Variants in HYDIN observed in about 807,000 individuals in gnomAD.
HYDIN encodes the protein axonemal central pair apparatus protein HYDIN.
A neutral mutation model predicts 403.9 loss-of-function variants in HYDIN; 132 were observed. The observed-to-expected ratio is 0.33, with a 90% confidence interval of 0.28 to 0.38. The LOEUF (loss-of-function observed/expected upper bound fraction) is 0.38, where lower values mean the gene tolerates loss of function less well. HYDIN is among the 10% of genes least tolerant of loss of function. The probability of loss-of-function intolerance (pLI) is 1.00; values close to 1 mark genes in which losing one functional copy is unlikely to be tolerated. For synonymous variants in HYDIN, 1,202 were observed against 1,891.7 expected (o/e 0.64, Z 9.46); for missense variants, 2,827 against 5,009.5 (o/e 0.56, Z 13.15).
intron 4 of HYDIN, among the ~76,000 whole-genome samples, chr16:71,176,350 C>G (rs2086672126): frequency 6.6e-6 from 1 of 151,124 alleles, no homozygotes; most frequent in Non-Finnish European, 1.5e-5. Context: ...GCTCTTTAAT[C>G]AGCTAAAACC....
intron 1 of HYDIN, among the ~76,000 whole-genome samples, chr16:71,220,807 T>C (rs1269258461): frequency 1.3e-5 from 2 of 152,218 alleles, no homozygotes. Flanking sequence ...TGCTAAAAAT[T>C]AAGACTACAA....
intron 43 of HYDIN, 51 bp from the exon 44 acceptor site, chr16:70,938,806 G>A (rs1358052648): frequency 5.6e-6 from 9 of 1,604,558 alleles, no homozygotes; most frequent in African/African-American, 2.7e-5. Flanking sequence ...TCTCAGTCTC[G>A]CTAGCAGCCT....
chr16:71,071,769 C>T (rs530002361), intron 13 of HYDIN, among the ~76,000 whole-genome samples: 12 of 152,232 alleles, frequency 7.9e-5, no homozygotes, highest in Admixed American at 2.0e-4. Context: ...TGGAACATGA[C>T]GTCTCTACTA....
At chr16:71,070,243 T>TTTTCTTTC (rs143461846) in intron 13 of HYDIN, among the ~76,000 whole-genome samples, 33 of 146,456 alleles carry the variant, frequency 2.3e-4, no homozygotes, top group Admixed American at 6.9e-4. Context: ...ATTTTCTTTC[T>TTTTCTTTC]TTTCTTTCTT....
At chr16:71,049,301 T>C (rs1211214479) in intron 18 of HYDIN, among the ~76,000 whole-genome samples, 1 of 152,236 alleles carries the variant, frequency 6.6e-6, no homozygotes, top group Non-Finnish European at 1.5e-5. Context: ...AAAGTTGTGA[T>C]GTTCCTGAAG....
Position 70,818,958 on chromosome 16 carries a change from A to G in HYDIN, c.14428-386T>C, listed in dbSNP as rs562886217. 3.9e-5 allele frequency among the ~76,000 whole-genome samples: 6 copies of G among 152,284 alleles called. No individual in the cohort carries two copies. In the East Asian group the frequency reaches 9.6e-4, roughly 24 times the overall value. Reference sequence around the variant, plus strand: ...GAGAAGGAGTCTCACTCTGTTGCCCAGGCTGGAGTGCAATGGCATGACTCG... The same window carrying G: ...GAGAAGGAGTCTCACTCTGTTGCCCGGGCTGGAGTGCAATGGCATGACTCG... On this transcript the variant is annotated intron_variant, in intron 83 of 85. Transcript: ENST00000393567.
chr16:71,067,105 T>C, intron 15 of HYDIN, 185 bp downstream of exon 15: 2 of 601,094 alleles, frequency 3.3e-6, no homozygotes, highest in Non-Finnish European at 5.9e-6. Context: ...TCTTCTTATC[T>C]CCACCAAAGG....
intron 1 of HYDIN, among the ~76,000 whole-genome samples, chr16:71,204,318 C>T (rs1185236685): frequency 6.6e-6 from 1 of 152,166 alleles, no homozygotes; most frequent in African/African-American, 2.4e-5. Context: ...CAGCTATACA[C>T]AGAAGAGCAA....
Position 70,805,494 on chromosome 16 carries a change from G to A in HYDIN, c.*2086C>T, listed in dbSNP as rs2035069115. On this transcript the variant is annotated 3_prime_UTR_variant, in exon 86 of 86. Coordinates refer to ENST00000393567, the MANE Select transcript of HYDIN (RefSeq NM_001270974.2). ...GCATCACCAAGAACTGGTTAGAAATGCAGATTCTCAAGCCCCACCCAAATC... is the reference window on the plus strand; with the variant it reads ...GCATCACCAAGAACTGGTTAGAAATACAGATTCTCAAGCCCCACCCAAATC... 6.6e-6 allele frequency among the ~76,000 whole-genome samples: 1 copy of A among 152,192 alleles called. No individual in the cohort carries two copies. The highest frequency in any genetic ancestry group is 2.4e-5 in the African/African-American group (1 of 41,452).
intron 21 of HYDIN, among the ~76,000 whole-genome samples, chr16:71,020,805 T>C (rs2080456836): frequency 7.6e-6 from 1 of 131,744 alleles, no homozygotes; most frequent in African/African-American, 2.8e-5. Context: ...TAGGACTCAG[T>C]CTCAAGGAAA....
At chr16:70,941,028 TTCAA>T (rs2077654791) in intron 43 of HYDIN, among the ~76,000 whole-genome samples, 1 of 151,090 alleles carries the variant, frequency 6.6e-6, no homozygotes, top group Non-Finnish European at 1.5e-5. Flanking sequence ...GTACCTATCT[TTCAA>T]TCAAACCTTT....
In HYDIN at chr16:70,807,508, T is replaced by C. The variant is rs536373899; in HGVS notation, c.*72A>G. 3.5e-5 allele frequency: 51 copies of C among 1,470,888 alleles called. No homozygotes were observed. The African/African-American group carries it at 6.5e-4, about 19-fold the overall frequency. The allele number at this position is 1,470,888 out of a possible 1,614,324, so 91.1% of individuals were successfully genotyped here. ...AAAAACAGTTCCTTTAGAATTCTTATTGTTTTCTCTATTCTTTTTCAGGCT... is the reference window on the plus strand; with the variant it reads ...AAAAACAGTTCCTTTAGAATTCTTACTGTTTTCTCTATTCTTTTTCAGGCT... On this transcript the variant is annotated 3_prime_UTR_variant, in exon 86 of 86. Coordinates refer to ENST00000393567, the MANE Select transcript of HYDIN (RefSeq NM_001270974.2).
intron 39 of HYDIN, among the ~76,000 whole-genome samples, chr16:70,956,781 T>C (rs1302197463): frequency 6.6e-6 from 1 of 152,010 alleles, no homozygotes; most frequent in Non-Finnish European, 1.5e-5. Context: ...TAGACTTCTG[T>C]CCTCCAGACC....
intron 68 of HYDIN, 90 bp from the exon 69 acceptor site, chr16:70,862,345 T>A: frequency 1.4e-6 from 1 of 697,884 alleles, no homozygotes; most frequent in Non-Finnish European, 2.4e-6. Context: ...AGGGGCCCTC[T>A]GCGGATATGG....
intron 23 of HYDIN, among the ~76,000 whole-genome samples, chr16:70,995,077 G>C (rs1410875527): frequency 1.3e-5 from 2 of 152,144 alleles, no homozygotes; most frequent in Non-Finnish European, 1.5e-5. Context: ...GAAATCAATA[G>C]AGGAAGGCAG....
intron 41 of HYDIN, among the ~76,000 whole-genome samples, chr16:70,949,320 AG>A (rs1308172576): frequency 4.2e-5 from 3 of 71,980 alleles, no homozygotes; most frequent in South Asian, 6.3e-4. Context: ...GGGTGGGGGG[AG>A]GGGGGAGGGA....
At chr16:71,199,849 G>T (rs972031915) in intron 1 of HYDIN, among the ~76,000 whole-genome samples, 2 of 152,148 alleles carry the variant, frequency 1.3e-5, no homozygotes, top group African/African-American at 4.8e-5. Flanking sequence ...TGTCAGAGGC[G>T]TGTGAACCAG....
intron 21 of HYDIN, among the ~76,000 whole-genome samples, chr16:71,024,811 G>A (rs1597577419): frequency 6.6e-6 from 1 of 150,382 alleles, no homozygotes; most frequent in African/African-American, 2.5e-5. Context: ...AGCCATTTAA[G>A]TTAAAGAGTG....
At chr16:70,842,877 T>C (rs1445194551) in intron 75 of HYDIN, among the ~76,000 whole-genome samples, 5 of 151,940 alleles carry the variant, frequency 3.3e-5, no homozygotes, top group African/African-American at 1.2e-4. Context: ...TTTTCTAGTG[T>C]ACCATTTAAA....
Sources: allele counts gnomAD v4.1 joint callset (sites outside exome capture counted in the v4.1 genomes callset), GRCh38; gene constraint gnomAD v4.1.1; transcripts MANE v1.5; gene names NCBI Gene and HGNC (gene_info 2026-07-23, HGNC 2026-07-21).